The following FAM167A variants were observed in gnomAD, a reference collection of about 807,000 sequenced individuals.
FAM167A encodes the protein protein FAM167A.
FAM167A carries 23 observed loss-of-function variants against 14.9 expected under a neutral mutation model. The ratio of observed to expected loss-of-function variants is 1.55; its 90% CI spans 1.11 to 2.19. The LOEUF is 2.19. Ranked by LOEUF, FAM167A falls within the 30% of genes most tolerant of loss-of-function variation. The pLI is 0.00. For missense variants in FAM167A, 401 were observed against 281.5 expected (o/e 1.42, Z -3.04); for synonymous variants, 174 against 117.7 (o/e 1.48, Z -3.10).
intron 2 of FAM167A, among the ~76,000 whole-genome samples, chr8:11,442,548 A>G (rs1214764445): frequency 2.0e-5 from 3 of 152,196 alleles, no homozygotes; most frequent in African/African-American, 7.2e-5. Context: ...CGAAACCAAC[A>G]AATAGTATCT....
intron 2 of FAM167A, among the ~76,000 whole-genome samples, chr8:11,425,583 C>T (rs143840443): frequency 5.4e-4 from 82 of 152,230 alleles, no homozygotes; most frequent in Admixed American, 2.7e-3. Context: ...TGAACAAGCC[C>T]GCTCTTCATC....
Position 11,424,218 on chromosome 8 carries a change from G to A in FAM167A, c.*155C>T, listed in dbSNP as rs934821857. The A allele has an allele frequency of 1.6e-4, 139 of 887,166 alleles. No homozygotes were observed. The highest frequency in any genetic ancestry group is 1.4e-4 in the Non-Finnish European group (86 of 595,046). 55.0% of individuals were successfully genotyped at this position (887,166 alleles called of 1,614,324 possible). A position where few individuals can be genotyped will look rare whatever the true frequency, so the allele number is the denominator to read the frequency against. On this transcript the variant is annotated 3_prime_UTR_variant, in exon 3 of 3. Transcript: ENST00000284486. ...CCACACCCAGGGCCCCTGGGTGGGA[G>A]AGCACCACTGAATAGGTCCTGGGGC... is the stretch of plus-strand genomic sequence containing the variant.
At chr8:11,453,506 T>C (rs944749020) in intron 1 of FAM167A, among the ~76,000 whole-genome samples, 2 of 152,166 alleles carry the variant, frequency 1.3e-5, no homozygotes, top group Non-Finnish European at 1.5e-5. Flanking sequence ...ACAGAGATGA[T>C]AAGGCACGGG....
intron 2 of FAM167A, among the ~76,000 whole-genome samples, chr8:11,439,027 T>C (rs562347474): frequency 6.6e-6 from 1 of 152,352 alleles, no homozygotes; most frequent in African/African-American, 2.4e-5. Flanking sequence ...TTCTGGCAGC[T>C]CAGGGCCCCT....
At chr8:11,458,020 C>T (rs540358307) in intron 1 of FAM167A, among the ~76,000 whole-genome samples, 10 of 152,310 alleles carry the variant, frequency 6.6e-5, no homozygotes, top group African/African-American at 2.4e-4. Flanking sequence ...GACGCTGATG[C>T]GGTGAAGTCA....
At chr8:11,439,987 T>C (rs1806332388) in intron 2 of FAM167A, among the ~76,000 whole-genome samples, 2 of 152,058 alleles carry the variant, frequency 1.3e-5, no homozygotes, top group African/African-American at 4.8e-5. Flanking sequence ...ATCCCACAGC[T>C]CCAGATCATG....
At chr8:11,465,493 G>C (rs1018506724) in intron 1 of FAM167A, among the ~76,000 whole-genome samples, 1 of 152,184 alleles carries the variant, frequency 6.6e-6, no homozygotes, top group African/African-American at 2.4e-5. Flanking sequence ...AGTAGTGCAT[G>C]GTCCATAAAT....
At chr8:11,438,296 C>A (rs889853278) in intron 2 of FAM167A, 1 of 401,484 alleles carries the variant, frequency 2.5e-6, no homozygotes, top group Admixed American at 2.8e-5. Flanking sequence ...CAGGACCTCC[C>A]GGTTGGGGTC....
chr8:11,465,472 A>G (rs141935922), intron 1 of FAM167A, among the ~76,000 whole-genome samples: 3 of 152,338 alleles, frequency 2.0e-5, no homozygotes, highest in South Asian at 2.1e-4. Context: ...AAGGGATGCG[A>G]AGGGTTTCTA....
At chr8:11,470,440 G>C (rs1807923298), upstream of FAM167A, among the ~76,000 whole-genome samples, 1 of 152,220 alleles carries the variant, frequency 6.6e-6, no homozygotes, top group Admixed American at 6.5e-5. Flanking sequence ...GAGCATGGGT[G>C]GGAGATGACA....
chr8:11,462,517 C>T (rs1807581537), intron 1 of FAM167A, among the ~76,000 whole-genome samples: 1 of 152,216 alleles, frequency 6.6e-6, no homozygotes, highest in African/African-American at 2.4e-5. Context: ...ATGGCTCCTG[C>T]ACTGCGAAAG....
intron 1 of FAM167A, chr8:11,445,583 G>T: frequency 5.1e-6 from 5 of 985,550 alleles, no homozygotes; most frequent in Non-Finnish European, 6.0e-6. Flanking sequence ...GTTTGGTAAA[G>T]ACTTCAGCTA....
intron 1 of FAM167A, among the ~76,000 whole-genome samples, chr8:11,472,856 T>C (rs6993930): frequency 0.61 from 91,796 of 151,728 alleles, 28,422 homozygotes; most frequent in East Asian, 0.97. Flanking sequence ...CACTCTGCAA[T>C]TGCTGAATAG....
At chr8:11,452,195 G>A (rs375136518) in intron 1 of FAM167A, among the ~76,000 whole-genome samples, 22 of 152,336 alleles carry the variant, frequency 1.4e-4, no homozygotes, top group African/African-American at 4.8e-4. Flanking sequence ...TCCACATGCA[G>A]AGTTGACTTG....
At chr8:11,431,368 A>G (rs117543984) in intron 2 of FAM167A, among the ~76,000 whole-genome samples, 6 of 152,216 alleles carry the variant, frequency 3.9e-5, no homozygotes, top group African/African-American at 1.4e-4. Flanking sequence ...AAAGCAGGAC[A>G]GTGGTGCCAA....
In FAM167A at chr8:11,421,824, G is replaced by C. The variant is rs1804751576; in HGVS notation, c.*2549C>G. On this transcript the variant is annotated 3_prime_UTR_variant, in exon 3 of 3. Transcript: ENST00000284486. Reference sequence around the variant, plus strand: ...CTGCAAACAGCACTGTACACATGTGGTGAGCCAGGAGGCTGGGACGGAGGT... The same window carrying C: ...CTGCAAACAGCACTGTACACATGTGCTGAGCCAGGAGGCTGGGACGGAGGT... 1 of 398,792 alleles carries C rather than the reference G, an allele frequency of 2.5e-6. No individual in the cohort carries two copies. The highest frequency in any genetic ancestry group is 4.4e-6 in the Non-Finnish European group (1 of 226,092). The allele number at this position is 398,792 out of a possible 1,614,324, so 24.7% of individuals were successfully genotyped here. A position where few individuals can be genotyped will look rare whatever the true frequency, so the allele number is the denominator to read the frequency against.
chr8:11,453,888 G>A (rs940824981), intron 1 of FAM167A, among the ~76,000 whole-genome samples: 11 of 152,222 alleles, frequency 7.2e-5, no homozygotes, highest in African/African-American at 2.4e-4. Context: ...CGAGGTGGCA[G>A]CCTATGTGAC....
At chr8:11,471,648 T>C (rs923855872), upstream of FAM167A, among the ~76,000 whole-genome samples, 1 of 152,216 alleles carries the variant, frequency 6.6e-6, no homozygotes, top group African/African-American at 2.4e-5. Context: ...AGTACTGCCT[T>C]GATCCGTGAG....
At chr8:11,453,036 C>T (rs1271596511) in intron 1 of FAM167A, among the ~76,000 whole-genome samples, 1 of 152,202 alleles carries the variant, frequency 6.6e-6, no homozygotes, top group Non-Finnish European at 1.5e-5. Flanking sequence ...GCACTCCTGA[C>T]CCCTCAGCCT....
Sources: gnomAD v4.1 joint callset for allele counts (sites outside exome capture counted in the v4.1 genomes callset) on GRCh38, gnomAD v4.1.1 for gene constraint, MANE v1.5 for transcripts, NCBI Gene and HGNC (gene_info 2026-07-23, HGNC 2026-07-21) for gene names.